The following TAFA2 variants were observed in gnomAD, a reference collection of about 807,000 sequenced individuals.
TAFA2 encodes chemokine-like protein TAFA-2.
A neutral mutation model predicts 18.8 loss-of-function variants in TAFA2; 7 were observed. The observed-to-expected ratio is 0.37, with a 90% CI of 0.21 to 0.70. The LOEUF (loss-of-function observed/expected upper bound fraction) is 0.70. Among genes scored for constraint, TAFA2 ranks in the 30% least tolerant of loss-of-function variants. The probability of loss-of-function intolerance (pLI) is 0.53; values close to 1 mark genes in which losing one functional copy is unlikely to be tolerated. For synonymous variants in TAFA2, 60 were observed against 54.2 expected, an observed-to-expected ratio of 1.11 and a Z score of -0.47; for missense variants, 122 against 158.1, an observed-to-expected ratio of 0.77 and a Z score of 1.23.
intron 1 of TAFA2, among the ~76,000 whole-genome samples, chr12:62,173,218 G>A (rs992567432): frequency 6.6e-6 from 1 of 152,130 alleles, no homozygotes; most frequent in Admixed American, 6.5e-5. Flanking sequence ...TTTGAGAACA[G>A]CCTGGCCAAC....
At chr12:61,849,423 G>A (rs1350300755) in intron 2 of TAFA2, among the ~76,000 whole-genome samples, 4 of 152,178 alleles carry the variant, frequency 2.6e-5, no homozygotes, top group Admixed American at 6.5e-5. Flanking sequence ...TGTTCACCAT[G>A]AGTGATCATC....
chr12:61,964,407 G>C (rs2136657519), intron 1 of TAFA2, among the ~76,000 whole-genome samples: 1 of 151,648 alleles, frequency 6.6e-6, no homozygotes, highest in African/African-American at 2.4e-5. Flanking sequence ...TCCTTCTACT[G>C]TCTTTCCTCT....
At chr12:61,746,322 C>A (rs912967331) in intron 4 of TAFA2, among the ~76,000 whole-genome samples, 1 of 152,070 alleles carries the variant, frequency 6.6e-6, no homozygotes, top group Non-Finnish European at 1.5e-5. Context: ...GAGGCCTCCC[C>A]AGCAATGTGG....
chr12:62,205,441 T>G (rs1366932538), intron 1 of TAFA2, among the ~76,000 whole-genome samples: 4 of 152,248 alleles, frequency 2.6e-5, no homozygotes, highest in African/African-American at 4.8e-5. Flanking sequence ...AGACTAAGTC[T>G]GCTGACCCAG....
intron 1 of TAFA2, among the ~76,000 whole-genome samples, chr12:61,980,138 G>A (rs906097141): frequency 6.6e-6 from 1 of 152,028 alleles, no homozygotes; most frequent in Non-Finnish European, 1.5e-5. Flanking sequence ...GCCATGCAAG[G>A]CTGGTTTAAC....
intron 1 of TAFA2, among the ~76,000 whole-genome samples, chr12:62,063,330 A>C (rs1028620877): frequency 6.6e-6 from 1 of 152,222 alleles, no homozygotes; most frequent in Non-Finnish European, 1.5e-5. Flanking sequence ...CTAAACTAAT[A>C]ACCATAATAA....
intron 1 of TAFA2, among the ~76,000 whole-genome samples, chr12:61,955,635 A>ATATT (rs1223507781): frequency 1.5e-3 from 19 of 12,472 alleles, no homozygotes; most frequent in Non-Finnish European, 3.3e-3. Flanking sequence ...AAAAAAAAAT[A>ATATT]TATATATATA....
intron 1 of TAFA2, among the ~76,000 whole-genome samples, chr12:62,182,598 TAC>T (rs2136952911): frequency 6.6e-6 from 1 of 152,312 alleles, no homozygotes; most frequent in South Asian, 2.1e-4. Context: ...GTAATTTGTG[TAC>T]ACATAGAAGT....
chr12:61,910,651 A>T (rs1240885892), intron 1 of TAFA2, among the ~76,000 whole-genome samples: 1 of 152,206 alleles, frequency 6.6e-6, no homozygotes, highest in African/African-American at 2.4e-5. Context: ...AAGTGACAAT[A>T]AGATTTTGTA....
chr12:62,214,675 G>A (rs986022409), intron 1 of TAFA2, among the ~76,000 whole-genome samples: 10 of 152,090 alleles, frequency 6.6e-5, no homozygotes, highest in African/African-American at 1.7e-4. Flanking sequence ...CCTTGTGCCC[G>A]TGGACACAGA....
intron 4 of TAFA2, among the ~76,000 whole-genome samples, chr12:61,722,662 T>C (rs1410640841): frequency 6.6e-6 from 1 of 152,184 alleles, no homozygotes; most frequent in African/African-American, 2.4e-5. Flanking sequence ...ATAGAAATGT[T>C]TTCAGGGACT....
chr12:62,200,372 G>C (rs926800388), intron 1 of TAFA2, among the ~76,000 whole-genome samples: 1 of 152,120 alleles, frequency 6.6e-6, no homozygotes, highest in Non-Finnish European at 1.5e-5. Context: ...TTCTTCTAGG[G>C]TTTTTATATT....
intron 2 of TAFA2, among the ~76,000 whole-genome samples, chr12:61,860,815 T>C (rs570873755): frequency 6.6e-6 from 1 of 152,332 alleles, no homozygotes; most frequent in East Asian, 1.9e-4. Context: ...GTTTATATAC[T>C]CTTAACCTGA....
chr12:61,920,092 T>C (rs1295906166), intron 1 of TAFA2, among the ~76,000 whole-genome samples: 2 of 152,218 alleles, frequency 1.3e-5, no homozygotes, highest in Non-Finnish European at 2.9e-5. Context: ...AAAATATTTA[T>C]AGTGTCAATA....
At chr12:61,948,242 T>C (rs1477896759) in intron 1 of TAFA2, among the ~76,000 whole-genome samples, 1 of 152,166 alleles carries the variant, frequency 6.6e-6, no homozygotes, top group East Asian at 1.9e-4. Flanking sequence ...ATTATTGCCA[T>C]TCCTCAGAGC....
chr12:62,007,705 C>A (rs929817005), intron 1 of TAFA2, among the ~76,000 whole-genome samples: 1 of 151,998 alleles, frequency 6.6e-6, no homozygotes, highest in Non-Finnish European at 1.5e-5. Context: ...TAAAGTTTTA[C>A]TTTCTTTTAA....
intron 1 of TAFA2, among the ~76,000 whole-genome samples, chr12:62,181,995 C>CG (rs111351619): frequency 3.3e-5 from 5 of 149,356 alleles, no homozygotes; most frequent in South Asian, 2.1e-4. Context: ...GTCCATCCCC[C>CG]CCCCGCTACA....
intron 2 of TAFA2, among the ~76,000 whole-genome samples, chr12:61,859,985 T>G (rs1231309532): frequency 1.3e-5 from 2 of 152,230 alleles, no homozygotes; most frequent in Non-Finnish European, 2.9e-5. Context: ...TATGAAAGCA[T>G]AACTCTTAGA....
chr12:62,250,821 T>C (rs1157698657), intron 1 of TAFA2, among the ~76,000 whole-genome samples: 1 of 152,194 alleles, frequency 6.6e-6, no homozygotes, highest in Non-Finnish European at 1.5e-5. Flanking sequence ...AGGTCTTGCA[T>C]AGTTAGGCTT....
Sources: gnomAD v4.1 joint callset for allele counts (sites outside exome capture counted in the v4.1 genomes callset) on GRCh38, gnomAD v4.1.1 for gene constraint, MANE v1.5 for transcripts, NCBI Gene and HGNC (gene_info 2026-07-23, HGNC 2026-07-21) for gene names.